The following SPAG16 variants were observed in gnomAD, a reference collection of about 807,000 sequenced individuals.
The protein encoded by SPAG16 is sperm associated antigen 16.
In SPAG16, 86 loss-of-function variants were observed where a neutral mutation model predicts 80.4. That is an observed-to-expected ratio of 1.07 (90% CI 0.90 to 1.28). The LOEUF is 1.28. Among genes scored for constraint, SPAG16 ranks in the 50% most tolerant of loss-of-function variants. The probability of loss-of-function intolerance (pLI) is 0.00; values close to 1 mark genes in which losing one functional copy is unlikely to be tolerated. For missense variants in SPAG16, 870 were observed against 765.3 expected, an observed-to-expected ratio of 1.14 and a Z score of -1.61; for synonymous variants, 294 against 265.9, an observed-to-expected ratio of 1.11 and a Z score of -1.03.
intron 12 of SPAG16, among the ~76,000 whole-genome samples, chr2:214,003,222 G>T (rs1314357651): frequency 2.6e-5 from 4 of 152,110 alleles, no homozygotes; most frequent in Non-Finnish European, 5.9e-5. Flanking sequence ...CACAGAAATG[G>T]ACTTATCTGA....
At chr2:214,032,508 G>A (rs2048464446) in intron 13 of SPAG16, among the ~76,000 whole-genome samples, 1 of 152,086 alleles carries the variant, frequency 6.6e-6, no homozygotes, top group African/African-American at 2.4e-5. Flanking sequence ...TGTAACAATT[G>A]CCTGTATGAA....
intron 10 of SPAG16, among the ~76,000 whole-genome samples, chr2:213,595,418 G>T (rs534406744): frequency 1.3e-5 from 2 of 152,196 alleles, no homozygotes; most frequent in African/African-American, 4.8e-5. Context: ...CACATAGGCA[G>T]GTAACTATTG....
At chr2:214,225,145 A>G (rs901166585) in intron 15 of SPAG16, among the ~76,000 whole-genome samples, 1 of 152,324 alleles carries the variant, frequency 6.6e-6, no homozygotes, top group East Asian at 1.9e-4. Flanking sequence ...AAGAAGTCCA[A>G]TGTAGCTGCA....
At chr2:213,868,231 T>C (rs543050593) in intron 11 of SPAG16, among the ~76,000 whole-genome samples, 85 of 130,418 alleles carry the variant, frequency 6.5e-4, no homozygotes, top group Non-Finnish European at 1.2e-3. Context: ...CATCCTATTT[T>C]TTTTTATAAA....
intron 13 of SPAG16, among the ~76,000 whole-genome samples, chr2:214,028,065 A>G (rs1181268647): frequency 6.6e-6 from 1 of 151,954 alleles, no homozygotes; most frequent in Non-Finnish European, 1.5e-5. Flanking sequence ...TTTGCAACAC[A>G]CATTTTTATG....
At chr2:213,765,014 C>T (rs992403290) in intron 10 of SPAG16, among the ~76,000 whole-genome samples, 1 of 152,164 alleles carries the variant, frequency 6.6e-6, no homozygotes, top group African/African-American at 2.4e-5. Context: ...GCCTTTTCCA[C>T]TTCCGGCCAC....
At chr2:213,357,219 G>T (rs146262724) in intron 7 of SPAG16, among the ~76,000 whole-genome samples, 349 of 152,270 alleles carry the variant, frequency 2.3e-3, no homozygotes, top group Middle Eastern at 0.01. Context: ...GTGCCAAGCA[G>T]AATGTATATT....
intron 15 of SPAG16, among the ~76,000 whole-genome samples, chr2:214,175,581 A>G (rs191638858): frequency 5.7e-4 from 86 of 151,400 alleles, no homozygotes; most frequent in African/African-American, 1.7e-3. Context: ...ATTTTACCCA[A>G]TGAGACATGG....
chr2:213,492,526 G>A (rs1202583531), intron 10 of SPAG16, among the ~76,000 whole-genome samples: 2 of 151,926 alleles, frequency 1.3e-5, no homozygotes, highest in East Asian at 1.9e-4. Flanking sequence ...CTCCAGCCTA[G>A]GCGACAGAGC....
intron 14 of SPAG16, among the ~76,000 whole-genome samples, chr2:214,134,964 A>T (rs962848148): frequency 1.3e-5 from 2 of 152,168 alleles, no homozygotes; most frequent in African/African-American, 4.8e-5. Flanking sequence ...GATAAAAATG[A>T]CACCTTCCTG....
chr2:214,343,108 CA>C (rs1194620039), intron 15 of SPAG16, among the ~76,000 whole-genome samples: 1 of 150,776 alleles, frequency 6.6e-6, no homozygotes, highest in Non-Finnish European at 1.5e-5. Flanking sequence ...TGCCATGTTA[CA>C]AAAAAAAGTA....
chr2:213,672,306 G>GA lies in SPAG16; in HGVS notation c.1070+182223dup, dbSNP rs143349666. On this transcript the variant is annotated intron_variant, in intron 10 of 15. Transcript: ENST00000331683. ...AAGCTAGATATATTTGCTCCCCAAAGAAAAAAATGTTTCTTTCAGCTCTTT... is the reference window on the plus strand; with the variant it reads ...AAGCTAGATATATTTGCTCCCCAAAGAAAAAAAATGTTTCTTTCAGCTCTTT... Among the ~76,000 whole-genome samples, 753 of 151,544 alleles carry GA rather than the reference G, an allele frequency of 5.0e-3. 2 individuals carry two copies. The highest frequency in any genetic ancestry group is 8.6e-3 in the Non-Finnish European group (583 of 67,844).
intron 10 of SPAG16, among the ~76,000 whole-genome samples, chr2:213,602,454 G>A (rs1454595367): frequency 6.6e-6 from 1 of 151,986 alleles, no homozygotes; most frequent in Non-Finnish European, 1.5e-5. Flanking sequence ...CAACATGGTG[G>A]AACCCCGTCT....
intron 15 of SPAG16, among the ~76,000 whole-genome samples, chr2:214,190,896 A>G (rs1020371962): frequency 6.6e-6 from 1 of 152,166 alleles, no homozygotes; most frequent in Non-Finnish European, 1.5e-5. Flanking sequence ...TAATTGGCGT[A>G]TGGTACTTTG....
intron 10 of SPAG16, among the ~76,000 whole-genome samples, chr2:213,855,713 G>A (rs1410281613): frequency 6.6e-6 from 1 of 152,150 alleles, no homozygotes; most frequent in East Asian, 1.9e-4. Flanking sequence ...AATGAGAGCA[G>A]AGTGGAGGGG....
At chr2:213,829,233 T>C (rs906745910) in intron 10 of SPAG16, among the ~76,000 whole-genome samples, 1 of 152,092 alleles carries the variant, frequency 6.6e-6, no homozygotes, top group Non-Finnish European at 1.5e-5. Context: ...CTTCCCACTT[T>C]TTTCTTTTGT....
intron 15 of SPAG16, among the ~76,000 whole-genome samples, chr2:214,271,442 A>G (rs1179235171): frequency 2.6e-5 from 4 of 152,326 alleles, no homozygotes; most frequent in African/African-American, 9.6e-5. Flanking sequence ...TTGGAAAGTT[A>G]TTATTTCTAA....
intron 12 of SPAG16, among the ~76,000 whole-genome samples, chr2:213,989,718 C>T (rs1402744066): frequency 6.6e-6 from 1 of 152,052 alleles, no homozygotes; most frequent in African/African-American, 2.4e-5. Flanking sequence ...ATTTAGCCAG[C>T]ATTTTGAAAA....
At chr2:213,519,895 C>T (rs2075591707) in intron 10 of SPAG16, among the ~76,000 whole-genome samples, 3 of 152,092 alleles carry the variant, frequency 2.0e-5, no homozygotes, top group African/African-American at 7.2e-5. Flanking sequence ...TTGGAAATAA[C>T]ATTTTTGTAG....
Sources: gnomAD v4.1 joint callset for allele counts (sites outside exome capture counted in the v4.1 genomes callset) on GRCh38, gnomAD v4.1.1 for gene constraint, MANE v1.5 for transcripts, NCBI Gene and HGNC (gene_info 2026-07-23, HGNC 2026-07-21) for gene names.